The following NDUFAF2 variants were observed in gnomAD, a reference collection of about 807,000 sequenced individuals.
NDUFAF2 encodes NADH:ubiquinone oxidoreductase complex assembly factor 2, also known as NADH dehydrogenase [ubiquinone] 1 alpha subcomplex assembly factor 2.
NDUFAF2 carries 13 observed loss-of-function variants against 22.8 expected under a neutral mutation model. The ratio of observed to expected loss-of-function variants is 0.57; its 90% confidence interval spans 0.37 to 0.91. The LOEUF (loss-of-function observed/expected upper bound fraction) is 0.91, where lower values mean the gene tolerates loss of function less well. Among genes scored for constraint, NDUFAF2 ranks in the 40% least tolerant of loss-of-function variants. The pLI is 0.01. For synonymous variants in NDUFAF2, 53 were observed against 64.2 expected, an observed-to-expected ratio of 0.83 and a Z score of 0.84; for missense variants, 162 against 195.2, an observed-to-expected ratio of 0.83 and a Z score of 1.01.
intron 1 of NDUFAF2, among the ~76,000 whole-genome samples, chr5:60,984,429 A>C (rs1195472623): frequency 4.6e-5 from 7 of 152,066 alleles, no homozygotes; most frequent in Non-Finnish European, 1.0e-4. Context: ...AACTTCCAAC[A>C]CTATGTTGAA....
intron 2 of NDUFAF2, among the ~76,000 whole-genome samples, chr5:61,084,702 C>T (rs1752485649): frequency 6.6e-6 from 1 of 152,158 alleles, no homozygotes; most frequent in African/African-American, 2.4e-5. Flanking sequence ...ATAGATACCA[C>T]ATGTTGTTTA....
chr5:61,031,503 G>GCATAGTATTCCATGGTATACTT (rs1751726882), intron 1 of NDUFAF2, among the ~76,000 whole-genome samples: 1 of 115,070 alleles, frequency 8.7e-6, no homozygotes, highest in East Asian at 2.5e-4. Context: ...TTTTATGGCT[G>GCATAGTATTCCATGGTATACTT]CATAGTATTC....
At chr5:60,974,706 G>T (rs1750878812) in intron 1 of NDUFAF2, among the ~76,000 whole-genome samples, 1 of 152,026 alleles carries the variant, frequency 6.6e-6, no homozygotes, top group Non-Finnish European at 1.5e-5. Flanking sequence ...TCTCTCTTCT[G>T]GGAATTTTCT....
intron 1 of NDUFAF2, among the ~76,000 whole-genome samples, chr5:60,997,325 A>G (rs1751240346): frequency 6.6e-6 from 1 of 152,202 alleles, no homozygotes; most frequent in Admixed American, 6.5e-5. Flanking sequence ...GTATTCTTAC[A>G]ACTGTATATG....
At chr5:61,133,268 GAA>G (rs944555543) in intron 3 of NDUFAF2, among the ~76,000 whole-genome samples, 1 of 151,758 alleles carries the variant, frequency 6.6e-6, no homozygotes, top group South Asian at 2.1e-4. Flanking sequence ...TTTCTTTGGG[GAA>G]AAAAAAGTGT....
intron 1 of NDUFAF2, among the ~76,000 whole-genome samples, chr5:61,007,835 A>C (rs1237044320): frequency 2.0e-5 from 3 of 152,198 alleles, no homozygotes; most frequent in Non-Finnish European, 2.9e-5. Flanking sequence ...TCATGCTGCT[A>C]TAAAGACACA....
chr5:61,094,644 A>C (rs1752616291), intron 2 of NDUFAF2, among the ~76,000 whole-genome samples: 1 of 152,118 alleles, frequency 6.6e-6, no homozygotes, highest in Non-Finnish European at 1.5e-5. Context: ...TGATCTTTGA[A>C]GTTGCTGACC....
intron 3 of NDUFAF2, among the ~76,000 whole-genome samples, chr5:61,142,063 G>T (rs1561138510): frequency 1.3e-5 from 2 of 152,164 alleles, no homozygotes; most frequent in Non-Finnish European, 2.9e-5. Context: ...TTCTCCCAGG[G>T]ATTATGGTCT....
intron 1 of NDUFAF2, among the ~76,000 whole-genome samples, chr5:61,068,409 C>T (rs1752256168): frequency 1.3e-5 from 2 of 151,992 alleles, no homozygotes; most frequent in Admixed American, 1.3e-4. Flanking sequence ...TATTGATTTT[C>T]CTTTTTAAGT....
chr5:61,150,228 G>A (rs1184753333), intron 3 of NDUFAF2, among the ~76,000 whole-genome samples: 1 of 152,070 alleles, frequency 6.6e-6, no homozygotes, highest in Non-Finnish European at 1.5e-5. Flanking sequence ...CACAGAACCT[G>A]GCCCTTCAAT....
At chr5:61,032,817 C>G (rs113917576) in intron 1 of NDUFAF2, among the ~76,000 whole-genome samples, 7,151 of 152,052 alleles carry the variant, frequency 0.047, 565 homozygotes, top group African/African-American at 0.16. Context: ...TTTTGGGACA[C>G]TACTGCCCAT....
intron 1 of NDUFAF2, among the ~76,000 whole-genome samples, chr5:60,982,724 T>C (rs1751003514): frequency 6.6e-6 from 1 of 152,048 alleles, no homozygotes; most frequent in South Asian, 2.1e-4. Flanking sequence ...ACAAAGGACA[T>C]GAACTCATCA....
At chr5:61,020,993 CTTT>C (rs35877702) in intron 1 of NDUFAF2, among the ~76,000 whole-genome samples, 8 of 116,620 alleles carry the variant, frequency 6.9e-5, no homozygotes, top group Admixed American at 8.6e-5. Context: ...TGCGTCCAGC[CTTT>C]TTTTTTTTTT....
chr5:61,036,426 C>T (rs1751801370), intron 1 of NDUFAF2, among the ~76,000 whole-genome samples: 1 of 152,174 alleles, frequency 6.6e-6, no homozygotes, highest in Non-Finnish European at 1.5e-5. Context: ...GTTTTAGATT[C>T]TCAAAACAAA....
chr5:61,080,377 G>A lies in NDUFAF2; in HGVS notation c.217+7163G>A, dbSNP rs758595623. Among the ~76,000 whole-genome samples the A allele has an allele frequency of 4.6e-5, 7 of 152,264 alleles. No individual in the cohort carries two copies. In the East Asian group the frequency reaches 5.8e-4, roughly 13 times the overall value. On this transcript the variant is annotated intron_variant, in intron 2 of 3. Coordinates refer to ENST00000296597, the MANE Select transcript of NDUFAF2 (RefSeq NM_174889.5). ...AAACTGCCAAGATATTTTTCAATGTGGCTGTACCATTTTGTATTTAAGTGT... is the reference window on the plus strand; with the variant it reads ...AAACTGCCAAGATATTTTTCAATGTAGCTGTACCATTTTGTATTTAAGTGT...
intron 3 of NDUFAF2, among the ~76,000 whole-genome samples, chr5:61,136,745 A>G (rs1740962961): frequency 6.6e-6 from 1 of 152,212 alleles, no homozygotes; most frequent in African/African-American, 2.4e-5. Context: ...CTGTGGGCAA[A>G]CGAGCTCAGT....
rs191404678 is a variant in NDUFAF2, at chr5:61,082,850, A to G, written c.217+9636A>G. ...TAACCGTGCGAATGCATGTGTCTTT[A>G]TGGTAGAATGATTTATTTTTCTTTG... On this transcript the variant is annotated intron_variant, in intron 2 of 3. Transcript: ENST00000296597. Among the ~76,000 whole-genome samples the G allele has an allele frequency of 5.9e-5, 9 of 152,202 alleles. No homozygotes were observed. The East Asian group carries it at 1.5e-3, about 26-fold the overall frequency.
At chr5:60,967,743 C>T (rs1580071354) in intron 1 of NDUFAF2, among the ~76,000 whole-genome samples, 2 of 151,112 alleles carry the variant, frequency 1.3e-5, no homozygotes, top group South Asian at 4.2e-4. Flanking sequence ...ATTAGGTTTG[C>T]CAATATTTTG....
chr5:60,997,461 G>A (rs967357831), intron 1 of NDUFAF2, among the ~76,000 whole-genome samples: 10 of 152,068 alleles, frequency 6.6e-5, no homozygotes, highest in African/African-American at 2.4e-4. Flanking sequence ...CCCATATAAG[G>A]GATTGTTTAG....
Sources: allele counts gnomAD v4.1 joint callset (sites outside exome capture counted in the v4.1 genomes callset), GRCh38; gene constraint gnomAD v4.1.1; transcripts MANE v1.5; gene names NCBI Gene and HGNC (gene_info 2026-07-23, HGNC 2026-07-21).